The following MAGI2 variants were observed in gnomAD, a reference collection of about 807,000 sequenced individuals.
MAGI2 encodes membrane associated guanylate kinase, WW and PDZ domain containing 2.
Under a neutral mutation model 133.3 loss-of-function variants are expected in MAGI2, and 35 were observed. That is an observed-to-expected ratio of 0.26 (90% CI 0.20 to 0.35). The LOEUF (loss-of-function observed/expected upper bound fraction) is 0.35, where lower values mean the gene tolerates loss of function less well. Ranked by LOEUF, MAGI2 falls within the 10% of genes least tolerant of loss-of-function variation. MAGI2 has a pLI of 1.00. For missense variants in MAGI2, 1,636 were observed against 1,863.4 expected (o/e 0.88, Z 2.25); for synonymous variants, 729 against 710.6 (o/e 1.03, Z -0.41).
intron 1 of MAGI2, among the ~76,000 whole-genome samples, chr7:79,324,426 C>CATAT (rs1012219917): frequency 1.1e-5 from 1 of 90,462 alleles, no homozygotes; most frequent in Non-Finnish European, 2.4e-5. Flanking sequence ...TATCTATAAC[C>CATAT]ATATATATAT....
At chr7:78,454,668 A>T (rs1789112642) in intron 6 of MAGI2, among the ~76,000 whole-genome samples, 2 of 152,310 alleles carry the variant, frequency 1.3e-5, no homozygotes, top group South Asian at 4.1e-4. Context: ...GAAGTAACCA[A>T]TATGTCTTTC....
At chr7:79,063,922 T>C (rs1055885853) in intron 1 of MAGI2, among the ~76,000 whole-genome samples, 1 of 152,226 alleles carries the variant, frequency 6.6e-6, no homozygotes, top group Middle Eastern at 3.4e-3. Context: ...AGTTTCTACA[T>C]TTTAAATCTA....
chr7:78,160,076 C>T lies in MAGI2; in HGVS notation c.2794G>A (p.Gly932Ser), dbSNP rs1824818769. The T allele has an allele frequency of 1.2e-6, 2 of 1,605,540 alleles. No individual in the cohort carries two copies. Among genetic ancestry groups the T allele is most frequent in the South Asian group, 1.1e-5 (1 of 89,006 alleles). ...VIHRKENEGF[G>S]FVIISSLNRP... ...TTCAGGGAGCTGATGATGACAAAGC[C>T]GAAGCCCTCATTCTCTTTGCGGTGA... The change falls in exon 16 of 22, where the codon GGC (glycine) becomes AGC (serine). Residue 932 changes from glycine to serine, a missense_variant. Transcript: ENST00000354212.
intron 16 of MAGI2, among the ~76,000 whole-genome samples, chr7:78,151,175 T>C (rs1027917224): frequency 6.6e-6 from 1 of 151,764 alleles, no homozygotes; most frequent in African/African-American, 2.4e-5. Context: ...ACTAGTCATG[T>C]TCAGGACTGA....
intron 7 of MAGI2, among the ~76,000 whole-genome samples, chr7:78,363,429 C>T (rs1793042640): frequency 2.0e-5 from 3 of 151,782 alleles, no homozygotes; most frequent in Middle Eastern, 3.2e-3. Context: ...GGAGGCGGAG[C>T]CTGTGGTGAG....
At chr7:78,207,785 C>T (rs1025984962) in intron 10 of MAGI2, among the ~76,000 whole-genome samples, 1 of 152,208 alleles carries the variant, frequency 6.6e-6, no homozygotes. Context: ...AACATCACAT[C>T]ACCATGTGTT....
chr7:78,377,722 A>C (rs1794578005), intron 6 of MAGI2, among the ~76,000 whole-genome samples: 1 of 151,780 alleles, frequency 6.6e-6, no homozygotes, highest in Admixed American at 6.6e-5. Context: ...AAAGCAACAG[A>C]AGGGGGTGCT....
chr7:79,313,128 C>T (rs1838424227), intron 1 of MAGI2, among the ~76,000 whole-genome samples: 1 of 147,092 alleles, frequency 6.8e-6, no homozygotes, highest in Non-Finnish European at 1.5e-5. Flanking sequence ...AACTATATGG[C>T]TCACAGAATA....
intron 1 of MAGI2, among the ~76,000 whole-genome samples, chr7:79,055,121 A>G (rs982630437): frequency 1.6e-4 from 25 of 152,160 alleles, no homozygotes; most frequent in South Asian, 1.0e-3. Flanking sequence ...TTTATGCTCC[A>G]GCTGAACTGG....
intron 1 of MAGI2, among the ~76,000 whole-genome samples, chr7:79,211,280 T>C (rs1829471708): frequency 6.6e-6 from 1 of 151,904 alleles, no homozygotes; most frequent in African/African-American, 2.4e-5. Flanking sequence ...ACCTTTCTTT[T>C]TATTTATTTT....
chr7:78,229,011 G>A (rs529616128), intron 10 of MAGI2, among the ~76,000 whole-genome samples: 49 of 152,314 alleles, frequency 3.2e-4, no homozygotes, highest in Non-Finnish European at 6.2e-4. Context: ...GGGGCCTTTC[G>A]GCCAATGCAA....
At chr7:78,451,857 A>G (rs1788757482) in intron 6 of MAGI2, among the ~76,000 whole-genome samples, 1 of 152,086 alleles carries the variant, frequency 6.6e-6, no homozygotes, top group Admixed American at 6.6e-5. Context: ...TTCCCACATT[A>G]TGGACCATGA....
chr7:79,282,641 C>A (rs775563831), intron 1 of MAGI2, among the ~76,000 whole-genome samples: 3 of 152,050 alleles, frequency 2.0e-5, no homozygotes, highest in Non-Finnish European at 4.4e-5. Context: ...AGGAGGAGAA[C>A]CCTTACTGTG....
At chr7:79,033,929 A>G (rs1045334063) in intron 1 of MAGI2, among the ~76,000 whole-genome samples, 1 of 152,038 alleles carries the variant, frequency 6.6e-6, no homozygotes, top group South Asian at 2.1e-4. Flanking sequence ...CACACCAACG[A>G]AAACTACTAG....
Position 78,308,600 on chromosome 7 carries a change from T to G in MAGI2, c.1408+35178A>C, listed in dbSNP as rs373761601. On this transcript the variant is annotated intron_variant, in intron 9 of 21. Coordinates refer to ENST00000354212, the MANE Select transcript of MAGI2 (RefSeq NM_012301.4). ...CTGCTTCTCTACACCCCATTTTCTT[T>G]GCCTACCATTTTTCTTCTGTATTAC... Among the ~76,000 whole-genome samples the G allele has an allele frequency of 1.8e-4, 28 of 152,186 alleles. No homozygotes were observed. In the East Asian group the frequency reaches 2.7e-3, roughly 15 times the overall value.
chr7:78,661,690 A>T (rs1353958514), intron 2 of MAGI2, among the ~76,000 whole-genome samples: 1 of 152,158 alleles, frequency 6.6e-6, no homozygotes, highest in East Asian at 1.9e-4. Context: ...TCCTAGTTAC[A>T]GTCTATTCTT....
At chr7:78,763,470 C>A (rs1824715758) in intron 2 of MAGI2, among the ~76,000 whole-genome samples, 1 of 152,128 alleles carries the variant, frequency 6.6e-6, no homozygotes, top group South Asian at 2.1e-4. Context: ...CCTTAGCACA[C>A]ACTGAGAGAG....
intron 9 of MAGI2, among the ~76,000 whole-genome samples, chr7:78,332,694 T>C (rs1405141029): frequency 3.0e-5 from 2 of 67,172 alleles, no homozygotes; most frequent in Admixed American, 2.0e-4. Context: ...CGAGACTCCG[T>C]CTCAAAAAAA....
intron 6 of MAGI2, among the ~76,000 whole-genome samples, chr7:78,471,120 G>T (rs1412280232): frequency 6.6e-6 from 1 of 152,036 alleles, no homozygotes; most frequent in Non-Finnish European, 1.5e-5. Flanking sequence ...TTTTTTAAAA[G>T]GTGAATTATG....
Sources: allele counts gnomAD v4.1 joint callset (sites outside exome capture counted in the v4.1 genomes callset), GRCh38; gene constraint gnomAD v4.1.1; transcripts MANE v1.5; gene names NCBI Gene and HGNC (gene_info 2026-07-23, HGNC 2026-07-21).